Variants in DSG3 observed in about 807,000 individuals in gnomAD.
DSG3 encodes the protein desmoglein 3.
DSG3 carries 63 observed loss-of-function variants against 85.9 expected under a neutral mutation model. The observed-to-expected ratio is 0.73, with a 90% CI of 0.60 to 0.90. The LOEUF (loss-of-function observed/expected upper bound fraction) is 0.90, where lower values mean the gene tolerates loss of function less well. Ranked by LOEUF, DSG3 falls within the 40% of genes least tolerant of loss-of-function variation. The pLI is 0.00. For synonymous variants in DSG3, 447 were observed against 441.9 expected (o/e 1.01, Z -0.14); for missense variants, 1,220 against 1,219.9 (o/e 1.00, Z 0.00).
At chr18:31,462,701 C>T (rs1396051381) in intron 8 of DSG3, among the ~76,000 whole-genome samples, 1 of 152,166 alleles carries the variant, frequency 6.6e-6, no homozygotes, top group African/African-American at 2.4e-5. Flanking sequence ...GTCTGACCCT[C>T]TTCTACCTCC....
At position 31,447,750 on chromosome 18, in the gene DSG3, C is replaced by T; in HGVS notation, c.-128C>T. ...GGTGGGGAGGGACCGCATAACAGACCATCTGTAGACTCCTTCGGAAAGCAG... is the reference window on the plus strand; with the variant it reads ...GGTGGGGAGGGACCGCATAACAGACTATCTGTAGACTCCTTCGGAAAGCAG... On this transcript the variant is annotated 5_prime_UTR_variant, in exon 1 of 16. Coordinates refer to ENST00000257189, the MANE Select transcript of DSG3 (RefSeq NM_001944.3). The T allele has an allele frequency of 1.6e-6, 1 of 637,532 alleles. No individual in the cohort carries two copies. The highest frequency in any genetic ancestry group is 2.5e-6 in the Non-Finnish European group (1 of 393,296). 39.5% of individuals were successfully genotyped at this position (637,532 alleles called of 1,614,324 possible). A position where few individuals can be genotyped will look rare whatever the true frequency, so the allele number is the denominator to read the frequency against.
chr18:31,449,339 A>C (rs989032815), intron 1 of DSG3, among the ~76,000 whole-genome samples: 2 of 152,226 alleles, frequency 1.3e-5, no homozygotes, highest in African/African-American at 4.8e-5. Flanking sequence ...GCTGAACCCC[A>C]GGTGGTCTGA....
At chr18:31,463,648 A>G (rs1427283255) in intron 8 of DSG3, among the ~76,000 whole-genome samples, 2 of 152,214 alleles carry the variant, frequency 1.3e-5, no homozygotes, top group African/African-American at 4.8e-5. Context: ...GCAAATGACC[A>G]TAACTGCCAG....
intron 15 of DSG3, 27 bp from the exon 16 acceptor site, chr18:31,475,618 AT>A: frequency 6.3e-7 from 1 of 1,596,908 alleles, no homozygotes. Flanking sequence ...CTTAAAATTC[AT>A]TTTTTCCCAC....
intron 11 of DSG3, among the ~76,000 whole-genome samples, chr18:31,467,349 A>T (rs1043997430): frequency 2.0e-5 from 3 of 152,234 alleles, no homozygotes; most frequent in African/African-American, 7.2e-5. Flanking sequence ...TCTAAAAAAA[A>T]AAAGTCAGGT....
chr18:31,447,805 C>A lies in DSG3; in HGVS notation c.-73C>A. 1 of 1,317,002 alleles carries A rather than the reference C, an allele frequency of 7.6e-7. No homozygotes were observed. Among genetic ancestry groups the A allele is most frequent in the South Asian group, 1.4e-5 (1 of 72,204 alleles). 81.6% of individuals were successfully genotyped at this position (1,317,002 alleles called of 1,614,324 possible). On this transcript the variant is annotated 5_prime_UTR_variant, in exon 1 of 16. Coordinates refer to ENST00000257189, the MANE Select transcript of DSG3 (RefSeq NM_001944.3). ...GACGCTGCAGAGGGCTTTTCTTAGA[C>A]ATCAACTGCAGACGGCTGGCAGGAT...
chr18:31,453,007 G>A (rs1023754874), intron 1 of DSG3, among the ~76,000 whole-genome samples: 1 of 152,076 alleles, frequency 6.6e-6, no homozygotes, highest in Non-Finnish European at 1.5e-5. Flanking sequence ...TAATTTCCAA[G>A]TAATCAGATA....
Position 31,474,279 on chromosome 18 carries a change from G to A in DSG3, c.2260G>A (p.Gly754Arg), listed in dbSNP as rs1475119062. ...GAASGFGAAT[G>R]VGICSSGQSG... ...TGCTTCAGGATTCGGAGCAGCCACTGGAGTTGGCATCTGTTCCTCAGGGCA... is the reference window on the plus strand; with the variant it reads ...TGCTTCAGGATTCGGAGCAGCCACTAGAGTTGGCATCTGTTCCTCAGGGCA... Residue 754 changes from glycine to arginine, a missense_variant, in exon 15 of 16, where the codon GGA becomes AGA. Coordinates refer to ENST00000257189, the MANE Select transcript of DSG3 (RefSeq NM_001944.3). The A allele has an allele frequency of 1.9e-6, 3 of 1,614,066 alleles. No individual in the cohort carries two copies. Among genetic ancestry groups the A allele is most frequent in the Non-Finnish European group, 2.5e-6 (3 of 1,180,044 alleles).
chr18:31,473,546 G>A (rs1279691337), intron 14 of DSG3, among the ~76,000 whole-genome samples: 1 of 152,202 alleles, frequency 6.6e-6, no homozygotes, highest in Non-Finnish European at 1.5e-5. Flanking sequence ...TCCTTTATCA[G>A]ATGCTCCACT....
In DSG3 at chr18:31,472,166, A is replaced by G. The variant is rs2072859271; in HGVS notation, c.1898-118A>G. 9.6e-6 allele frequency: 14 copies of G among 1,459,114 alleles called. No homozygotes were observed. In the South Asian group the frequency reaches 1.6e-4, roughly 16 times the overall value. 90.4% of individuals were successfully genotyped at this position (1,459,114 alleles called of 1,614,324 possible). ...GAAACTAATTTTGGTTTTCATTAGG[A>G]ATTTTCTACAAATATTTAAGATACT... On this transcript the variant is annotated intron_variant, in intron 12 of 15. Coordinates refer to ENST00000257189, the MANE Select transcript of DSG3 (RefSeq NM_001944.3).
intron 3 of DSG3, 71 bp downstream of exon 3, chr18:31,457,195 C>A: frequency 2.0e-6 from 3 of 1,467,180 alleles, no homozygotes; most frequent in Non-Finnish European, 9.1e-7. Flanking sequence ...AATAATACGG[C>A]AATTCCAAAT....
intron 8 of DSG3, among the ~76,000 whole-genome samples, chr18:31,462,832 C>A (rs1293441195): frequency 6.6e-6 from 1 of 152,182 alleles, no homozygotes; most frequent in African/African-American, 2.4e-5. Context: ...TACCAGTGCA[C>A]CACCACATTT....
intron 3 of DSG3, among the ~76,000 whole-genome samples, chr18:31,457,569 CTTTCTTTCTTTCTTTCTTCTTTCTTTCT>C (rs1232207469): frequency 7.5e-4 from 70 of 93,128 alleles, no homozygotes; most frequent in Middle Eastern, 4.6e-3. Flanking sequence ...TTCTTTCTTT[CTTTCTTTCTTTCTTTCTTCTTTCTTTCT>C]TTCTTTCTTT....
At position 31,459,883 on chromosome 18, in the gene DSG3, G is replaced by T; in HGVS notation, c.556G>T (p.Glu186Ter). The T allele has an allele frequency of 6.2e-7, 1 of 1,614,064 alleles. No individual in the cohort carries two copies. Among genetic ancestry groups the T allele is most frequent in the South Asian group, 1.1e-5 (1 of 91,072 alleles). Reference sequence around the variant, plus strand: ...GATACTAAATGCCACAGATGCAGATGAACCAAACCACTTGAATTCTAAAAT... The same window carrying T: ...GATACTAAATGCCACAGATGCAGATTAACCAAACCACTTGAATTCTAAAAT... ...VMILNATDAD[E>*]PNHLNSKIAF... Residue 186 changes from glutamate to a stop codon, truncating the protein, a stop_gained, in exon 6 of 16, where the codon GAA becomes TAA. Coordinates refer to ENST00000257189, the MANE Select transcript of DSG3 (RefSeq NM_001944.3). LOFTEE classifies it high-confidence loss of function.
chr18:31,474,267 G>C lies in DSG3; in HGVS notation c.2248G>C (p.Gly750Arg). Residue 750 changes from glycine to arginine, a missense_variant, in exon 15 of 16, where the codon GGA becomes CGA. Transcript: ENST00000257189. ...GTVSGAASGF[G>R]AATGVGICSS... ...AGTGTCAGGAGCTGCTTCAGGATTC[G>C]GAGCAGCCACTGGAGTTGGCATCTG... The C allele has an allele frequency of 6.2e-7, 1 of 1,614,172 alleles. No homozygotes were observed. Among genetic ancestry groups the C allele is most frequent in the South Asian group, 1.1e-5 (1 of 91,080 alleles).
intron 11 of DSG3, among the ~76,000 whole-genome samples, chr18:31,468,803 G>A (rs72925153): frequency 0.013 from 2,006 of 152,196 alleles, 25 homozygotes; most frequent in Middle Eastern, 0.02. Flanking sequence ...GTTACCATGG[G>A]AGTGGGTTCA....
chr18:31,450,437 CTT>C (rs945087622), intron 1 of DSG3, among the ~76,000 whole-genome samples: 7 of 152,246 alleles, frequency 4.6e-5, no homozygotes, highest in African/African-American at 1.7e-4. Context: ...TCATGGAAAC[CTT>C]TTACAAGTGG....
rs767184358 is a variant in DSG3, at chr18:31,465,509, T to C, written c.1411+52T>C. The C allele has an allele frequency of 5.3e-6, 7 of 1,314,980 alleles. No homozygotes were observed. The East Asian group carries it at 1.4e-4, about 26-fold the overall frequency. 81.5% of individuals were successfully genotyped at this position (1,314,980 alleles called of 1,614,324 possible). A position where few individuals can be genotyped will look rare whatever the true frequency, so the allele number is the denominator to read the frequency against. ...GAGGAATGTTATCGTAATTGATGTT[T>C]CTTTATGCATAGATGATTATGATTA... On this transcript the variant is annotated intron_variant, in intron 10 of 15. Coordinates refer to ENST00000257189, the MANE Select transcript of DSG3 (RefSeq NM_001944.3).
intron 9 of DSG3, among the ~76,000 whole-genome samples, chr18:31,465,100 G>C (rs113042366): frequency 6.6e-6 from 1 of 150,812 alleles, no homozygotes; most frequent in Non-Finnish European, 1.5e-5. Flanking sequence ...ACTCCAGCCC[G>C]GGCAACAAGA....
Sources: gnomAD v4.1 joint callset for allele counts (sites outside exome capture counted in the v4.1 genomes callset) on GRCh38, gnomAD v4.1.1 for gene constraint, MANE v1.5 for transcripts, NCBI Gene and HGNC (gene_info 2026-07-23, HGNC 2026-07-21) for gene names.